Variants in HIVEP2 observed in about 807,000 individuals in gnomAD.
The protein encoded by HIVEP2 is transcription factor HIVEP2.
Under a neutral mutation model 180.7 loss-of-function variants are expected in HIVEP2, and 14 were observed. That is an observed-to-expected ratio of 0.08 (90% CI 0.05 to 0.12). The LOEUF (loss-of-function observed/expected upper bound fraction) is 0.12. HIVEP2 is among the 10% of genes least tolerant of loss of function. The pLI is 1.00. For synonymous variants in HIVEP2, 1,184 were observed against 1,136.4 expected (o/e 1.04, Z -0.84); for missense variants, 2,579 against 3,008.5 (o/e 0.86, Z 3.34).
chr6:142,819,493 A>G (rs996738826), intron 2 of HIVEP2, among the ~76,000 whole-genome samples: 1 of 152,192 alleles, frequency 6.6e-6, no homozygotes, highest in African/African-American at 2.4e-5. Flanking sequence ...TAAGTTTCAC[A>G]TACAAGGAAA....
At chr6:142,801,948 A>C (rs1776423252) in intron 2 of HIVEP2, among the ~76,000 whole-genome samples, 1 of 152,180 alleles carries the variant, frequency 6.6e-6, no homozygotes. Flanking sequence ...AACACAAGAT[A>C]GACATCTACT....
At chr6:142,802,304 T>A (rs1202954130) in intron 2 of HIVEP2, among the ~76,000 whole-genome samples, 2 of 152,104 alleles carry the variant, frequency 1.3e-5, no homozygotes, top group East Asian at 3.9e-4. Context: ...ACACAGGGAC[T>A]TCCCCCCACA....
chr6:142,832,231 C>CA (rs149501300), intron 2 of HIVEP2, among the ~76,000 whole-genome samples: 7 of 147,704 alleles, frequency 4.7e-5, no homozygotes, highest in East Asian at 3.9e-4. Context: ...CAAAAACAAA[C>CA]AAAAAAAACC....
Position 142,771,116 on chromosome 6 carries a change from A to G in HIVEP2, c.3623T>C (p.Phe1208Ser). The part of the protein sequence containing the change: ...FSPIQNALFQ[F>S]QYPTVCMVHL... ...AACCATACAAACTGTAGGATACTGAAACTGAAACAAGGCATTCTGGATTGG... is the reference window on the plus strand; with the variant it reads ...AACCATACAAACTGTAGGATACTGAGACTGAAACAAGGCATTCTGGATTGG... Residue 1208 changes from phenylalanine (F) to serine (S), a missense_variant, in exon 5 of 10, where the codon TTT becomes TCT. By Grantham distance (155) the Phe-to-Ser change is radical (BLOSUM62 -2). Coordinates refer to ENST00000367603, the MANE Select transcript of HIVEP2 (RefSeq NM_006734.4). This position sits in a 1 kb window ranked among gnomAD's most constrained non-coding sequence, Gnocchi z 5.4. The G allele has an allele frequency of 6.2e-7, 1 of 1,614,210 alleles. No homozygotes were observed. Among genetic ancestry groups the G allele is most frequent in the Non-Finnish European group, 8.5e-7 (1 of 1,180,040 alleles).
chr6:142,803,854 C>T (rs1422645710), intron 2 of HIVEP2, among the ~76,000 whole-genome samples: 1 of 152,128 alleles, frequency 6.6e-6, no homozygotes, highest in Non-Finnish European at 1.5e-5. Context: ...CCTTCACACA[C>T]CCCTGACTCC....
At chr6:142,795,594 A>T (rs538572248) in intron 2 of HIVEP2, among the ~76,000 whole-genome samples, 34 of 152,330 alleles carry the variant, frequency 2.2e-4, no homozygotes, top group Admixed American at 2.0e-3. Context: ...ATTTTAACAT[A>T]GATGTAAATT....
chr6:142,869,768 A>G (rs992742177), intron 1 of HIVEP2, among the ~76,000 whole-genome samples: 2 of 152,182 alleles, frequency 1.3e-5, no homozygotes, highest in Non-Finnish European at 2.9e-5. Context: ...TACGTTATAT[A>G]TACATTAATT....
chr6:142,833,096 C>A (rs1473884581), intron 2 of HIVEP2, among the ~76,000 whole-genome samples: 2 of 152,222 alleles, frequency 1.3e-5, no homozygotes, highest in East Asian at 3.9e-4. Flanking sequence ...GACATGTTAG[C>A]CAAAAATGGG....
intron 1 of HIVEP2, among the ~76,000 whole-genome samples, chr6:142,837,791 G>A (rs1426745834): frequency 6.6e-6 from 1 of 152,018 alleles, no homozygotes; most frequent in Admixed American, 6.6e-5. Context: ...TAGAGAGAGA[G>A]CCTAAAATGA....
At chr6:142,909,444 A>T (rs912598178) in intron 1 of HIVEP2, among the ~76,000 whole-genome samples, 1 of 152,218 alleles carries the variant, frequency 6.6e-6, no homozygotes, top group Admixed American at 6.5e-5. Context: ...CATGATTTTA[A>T]GACAATTTAA....
chr6:142,937,409 G>A (rs1313712198), intron 1 of HIVEP2, among the ~76,000 whole-genome samples: 1 of 152,036 alleles, frequency 6.6e-6, no homozygotes, highest in African/African-American at 2.4e-5. Flanking sequence ...CATTGAGATG[G>A]GTACAAACAT....
chr6:142,792,576 G>A (rs928911354), intron 2 of HIVEP2, among the ~76,000 whole-genome samples: 3 of 152,078 alleles, frequency 2.0e-5, no homozygotes, highest in African/African-American at 7.2e-5. Context: ...GGAGGACAAG[G>A]GGAGGGAGAG....
intron 9 of HIVEP2, 24 bp from the exon 10 acceptor site, chr6:142,753,955 A>ACAAAATT: frequency 7.6e-7 from 1 of 1,319,918 alleles, no homozygotes; most frequent in Non-Finnish European, 1.1e-6. Flanking sequence ...CAAAGAGAGC[A>ACAAAATT]CAAAATTCAG....
intron 2 of HIVEP2, among the ~76,000 whole-genome samples, chr6:142,829,244 C>T (rs560232609): frequency 6.6e-6 from 1 of 152,228 alleles, no homozygotes; most frequent in East Asian, 1.9e-4. Flanking sequence ...TCCTCCCTTC[C>T]TCTTCTTTCA....
At chr6:142,811,019 G>A (rs539566594) in intron 2 of HIVEP2, among the ~76,000 whole-genome samples, 2 of 152,078 alleles carry the variant, frequency 1.3e-5, no homozygotes, top group East Asian at 1.9e-4. Context: ...CTATGTAAGC[G>A]GTACATGTGT....
chr6:142,784,904 T>TC (rs1775946082), intron 2 of HIVEP2, among the ~76,000 whole-genome samples: 1 of 151,468 alleles, frequency 6.6e-6, no homozygotes, highest in Non-Finnish European at 1.5e-5. Flanking sequence ...TCTATTTTTT[T>TC]TGAGACGGAG....
At chr6:142,799,034 A>G (rs1776346106) in intron 2 of HIVEP2, among the ~76,000 whole-genome samples, 1 of 152,216 alleles carries the variant, frequency 6.6e-6, no homozygotes, top group Non-Finnish European at 1.5e-5. Context: ...AGGGGTAACA[A>G]GTGACCATAA....
chr6:142,852,956 C>T (rs1246438925), intron 1 of HIVEP2, among the ~76,000 whole-genome samples: 2 of 152,080 alleles, frequency 1.3e-5, no homozygotes, highest in African/African-American at 2.4e-5. Context: ...TATTTTTGTG[C>T]TTATCTTTTA....
intron 9 of HIVEP2, among the ~76,000 whole-genome samples, chr6:142,758,077 C>T (rs931319991): frequency 3.3e-5 from 5 of 152,190 alleles, no homozygotes; most frequent in Non-Finnish European, 5.9e-5. Context: ...CATGTGTCAT[C>T]CCAGACTTGG....
Sources: allele counts gnomAD v4.1 joint callset (sites outside exome capture counted in the v4.1 genomes callset), GRCh38; gene constraint gnomAD v4.1.1; non-coding constraint Gnocchi (gnomAD v3.1); transcripts MANE v1.5; gene names NCBI Gene and HGNC (gene_info 2026-07-23, HGNC 2026-07-21).